Variants in APBB2 observed in about 807,000 individuals in gnomAD.
APBB2 encodes amyloid beta precursor protein binding family B member 2.
In APBB2, 38 loss-of-function variants were observed where a neutral mutation model predicts 82.5. That is an observed-to-expected ratio of 0.46 (90% CI 0.36 to 0.60). The LOEUF is 0.60. APBB2 is among the 20% of genes least tolerant of loss of function. The pLI is 0.00. For synonymous variants in APBB2, 341 were observed against 368.2 expected (o/e 0.93, Z 0.85); for missense variants, 772 against 972.3 (o/e 0.79, Z 2.74).
chr4:40,994,159 C>T (rs1455997262), intron 6 of APBB2, among the ~76,000 whole-genome samples: 9 of 151,928 alleles, frequency 5.9e-5, no homozygotes, highest in South Asian at 2.1e-4. Flanking sequence ...CGGTAGCGGG[C>T]GCCTGTAGTC....
chr4:40,956,704 A>G (rs923790961), intron 6 of APBB2, among the ~76,000 whole-genome samples: 2 of 152,124 alleles, frequency 1.3e-5, no homozygotes, highest in Admixed American at 1.3e-4. Context: ...ATTAATGTTA[A>G]GATTTCTGAG....
intron 10 of APBB2, among the ~76,000 whole-genome samples, chr4:40,900,113 A>G (rs73148590): frequency 0.039 from 5,873 of 152,308 alleles, 369 homozygotes; most frequent in African/African-American, 0.13. Context: ...TCACATCAAA[A>G]AGCTAAAATG....
intron 10 of APBB2, among the ~76,000 whole-genome samples, chr4:40,905,372 A>G (rs761502132): frequency 2.6e-5 from 4 of 152,220 alleles, no homozygotes; most frequent in Non-Finnish European, 5.9e-5. Flanking sequence ...ATTTGACACA[A>G]GGAAGGAGAA....
intron 1 of APBB2, among the ~76,000 whole-genome samples, chr4:41,210,284 C>T (rs928628863): frequency 1.3e-5 from 2 of 152,130 alleles, no homozygotes; most frequent in Admixed American, 6.5e-5. Flanking sequence ...AAGAAGGACC[C>T]GATAGACAAC....
chr4:40,899,649 T>C (rs986305386), intron 10 of APBB2, among the ~76,000 whole-genome samples: 25 of 152,372 alleles, frequency 1.6e-4, no homozygotes, highest in African/African-American at 4.3e-4. Context: ...TCAGCAAATA[T>C]GGACTTCGTT....
chr4:41,203,692 G>A (rs921460213), intron 1 of APBB2, among the ~76,000 whole-genome samples: 5 of 152,146 alleles, frequency 3.3e-5, no homozygotes, highest in African/African-American at 7.2e-5. Context: ...GGAACCTCCA[G>A]GAGCTGTAAG....
intron 12 of APBB2, among the ~76,000 whole-genome samples, chr4:40,837,794 T>C (rs977856199): frequency 3.3e-5 from 5 of 152,188 alleles, no homozygotes; most frequent in Admixed American, 3.3e-4. Context: ...ATAGCTATAG[T>C]TTCTTGTGTC....
intron 10 of APBB2, among the ~76,000 whole-genome samples, chr4:40,907,511 C>T (rs1205324490): frequency 6.7e-6 from 1 of 150,298 alleles, no homozygotes; most frequent in Non-Finnish European, 1.5e-5. Flanking sequence ...GCTGGGATTA[C>T]AGGTGTGTGC....
At chr4:40,831,338 G>T (rs1024840399) in intron 12 of APBB2, among the ~76,000 whole-genome samples, 1 of 152,024 alleles carries the variant, frequency 6.6e-6, no homozygotes, top group African/African-American at 2.4e-5. Context: ...GGAGGCAGAG[G>T]TTACAGTGAG....
chr4:40,913,600 A>G (rs1779109456), intron 10 of APBB2, among the ~76,000 whole-genome samples: 1 of 152,190 alleles, frequency 6.6e-6, no homozygotes, highest in Non-Finnish European at 1.5e-5. Context: ...TTTTGCGGTC[A>G]TTTGTGGACA....
rs1737157887 is a variant in APBB2, at chr4:41,080,385, G to A, written c.-148-14712C>T. 3.3e-5 allele frequency among the ~76,000 whole-genome samples: 5 copies of A among 152,302 alleles called. No homozygotes were observed. The South Asian group carries it at 1.0e-3, about 32-fold the overall frequency. On this transcript the variant is annotated intron_variant, in intron 3 of 17. Coordinates refer to ENST00000508593, the MANE Select transcript of APBB2 (RefSeq NM_004307.2). ...AAAGGGCTTCATAAAGGAATCAAAT[G>A]CAGTAATGACATTAATAGAAATGTG...
intron 5 of APBB2, among the ~76,000 whole-genome samples, chr4:41,018,676 AAAG>A (rs1810671156): frequency 6.6e-6 from 1 of 152,210 alleles, no homozygotes; most frequent in African/African-American, 2.4e-5. Context: ...AAAAGACATT[AAAG>A]AAGTAATGTA....
chr4:41,186,294 C>A (rs1772874150), intron 1 of APBB2, among the ~76,000 whole-genome samples: 1 of 152,086 alleles, frequency 6.6e-6, no homozygotes, highest in Non-Finnish European at 1.5e-5. Flanking sequence ...ATAGTAATCA[C>A]TATTTTGCCA....
intron 7 of APBB2, among the ~76,000 whole-genome samples, chr4:40,939,184 T>C (rs1273219812): frequency 6.6e-6 from 1 of 152,300 alleles, no homozygotes; most frequent in Admixed American, 6.5e-5. Context: ...GTTTCAGGTA[T>C]TCTGTTATAA....
chr4:41,149,484 GAA>G (rs988270798), intron 1 of APBB2, among the ~76,000 whole-genome samples: 4 of 151,766 alleles, frequency 2.6e-5, no homozygotes, highest in Non-Finnish European at 5.9e-5. Flanking sequence ...AAAGGGGGGA[GAA>G]AGAAGGAGAA....
intron 1 of APBB2, among the ~76,000 whole-genome samples, chr4:41,178,041 C>A (rs1770299917): frequency 6.6e-6 from 1 of 151,996 alleles, no homozygotes; most frequent in Admixed American, 6.5e-5. Context: ...CGCAGAAGAA[C>A]CTACGTAAGA....
intron 1 of APBB2, among the ~76,000 whole-genome samples, chr4:41,198,868 A>C (rs536929512): frequency 1.5e-4 from 23 of 152,232 alleles, no homozygotes; most frequent in East Asian, 1.4e-3. Flanking sequence ...CTCTGCCTCC[A>C]TCTTCGCATG....
chr4:40,925,649 T>C (rs1181203127), intron 10 of APBB2, among the ~76,000 whole-genome samples: 1 of 152,128 alleles, frequency 6.6e-6, no homozygotes, highest in East Asian at 1.9e-4. Flanking sequence ...TGAATAAAAA[T>C]CAATTATAAG....
rs550014772 is a variant in APBB2 at position 41,205,496 on chromosome 4, A to G, written c.-417+8909T>C. Among the ~76,000 whole-genome samples the G allele has an allele frequency of 1.1e-3, 167 of 152,278 alleles. 1 individual carries two copies. The highest frequency in any genetic ancestry group is 3.7e-3 in the African/African-American group (152 of 41,558). ...AAGGGCATAAATTTGGGTCCCTGGG[A>G]AAAAAGGGATGAAAGGCAAAGCTAT... is the stretch of plus-strand genomic sequence containing the variant. On this transcript the variant is annotated intron_variant, in intron 1 of 17. Transcript: ENST00000508593.
Sources: gnomAD v4.1 joint callset for allele counts (sites outside exome capture counted in the v4.1 genomes callset) on GRCh38, gnomAD v4.1.1 for gene constraint, MANE v1.5 for transcripts, NCBI Gene and HGNC (gene_info 2026-07-23, HGNC 2026-07-21) for gene names.